The following FHL5 variants were observed in gnomAD, a reference collection of about 807,000 sequenced individuals.
FHL5 encodes the protein four and a half LIM domains 5.
Under a neutral mutation model 32.0 loss-of-function variants are expected in FHL5, and 33 were observed. The observed-to-expected ratio is 1.03, with a 90% CI of 0.78 to 1.38. FHL5 has a LOEUF of 1.38. Among genes scored for constraint, FHL5 ranks in the 40% most tolerant of loss-of-function variants. The pLI is 0.00. For synonymous variants in FHL5, 114 were observed against 113.6 expected, an observed-to-expected ratio of 1.00 and a Z score of -0.02; for missense variants, 336 against 343.9, an observed-to-expected ratio of 0.98 and a Z score of 0.18.
chr6:96,615,987 T>C lies in FHL5; in HGVS notation c.*215T>C, dbSNP rs115226010. The C allele has an allele frequency of 4.2e-3, 1,548 of 369,716 alleles. 25 individuals are homozygous for C. Among genetic ancestry groups the C allele is most frequent in the African/African-American group, 0.031 (1,459 of 47,642 alleles). 22.9% of individuals were successfully genotyped at this position (369,716 alleles called of 1,614,324 possible). On this transcript the variant is annotated 3_prime_UTR_variant, in exon 6 of 6. Coordinates refer to ENST00000450218, the MANE Select transcript of FHL5 (RefSeq NM_001322466.2). ...ATATGCTAAATCACAAAGACAACTC[T>C]CCTTGCAAAATACTGCACTCTGCTG...
At chr6:96,600,634 A>G (rs1771128745) in intron 1 of FHL5, among the ~76,000 whole-genome samples, 1 of 152,128 alleles carries the variant, frequency 6.6e-6, no homozygotes, top group African/African-American at 2.4e-5. Flanking sequence ...AGTGTGTATC[A>G]TTTATATAGT....
chr6:96,572,690 G>T (rs1770504304), intron 1 of FHL5, among the ~76,000 whole-genome samples: 1 of 152,174 alleles, frequency 6.6e-6, no homozygotes, highest in African/African-American at 2.4e-5. Context: ...CACCATGTGG[G>T]CTTGGTGCCT....
chr6:96,592,625 TA>T (rs1350514358), intron 1 of FHL5, among the ~76,000 whole-genome samples: 1 of 151,916 alleles, frequency 6.6e-6, no homozygotes, highest in Non-Finnish European at 1.5e-5. Flanking sequence ...GGGGAAGTGG[TA>T]AGTGTCCAAG....
In FHL5 at chr6:96,604,961, C is replaced by T. The variant is rs757734621; in HGVS notation, c.334+37C>T. On this transcript the variant is annotated intron_variant, in intron 3 of 5. Transcript: ENST00000450218. ...AGGGGGCTCCTGTCTCTAACTGAAG[C>T]TGTGATGCTTTTCATTAAGTCCCAG... The T allele has an allele frequency of 1.1e-5, 16 of 1,502,194 alleles. No homozygotes were observed. The South Asian group carries it at 2.1e-4, about 20-fold the overall frequency. 93.1% of individuals were successfully genotyped at this position (1,502,194 alleles called of 1,614,324 possible).
intron 1 of FHL5, among the ~76,000 whole-genome samples, chr6:96,598,531 C>T (rs1771082026): frequency 6.6e-6 from 1 of 152,190 alleles, no homozygotes; most frequent in Admixed American, 6.5e-5. Flanking sequence ...AGTAATTGTC[C>T]TTCCTCCTTC....
rs111601173 is a variant in FHL5, at chr6:96,571,135, G to A, written c.-13+7780G>A. Among the ~76,000 whole-genome samples, 691 of 151,886 alleles carry A rather than the reference G, an allele frequency of 4.5e-3. 6 individuals are homozygous for A. The highest frequency in any genetic ancestry group is 0.013 in the African/African-American group (541 of 41,292). On this transcript the variant is annotated intron_variant, in intron 1 of 5. Transcript: ENST00000450218. ...ATAATCACCTTTTTCAAACTTTCTG[G>A]AGTGATTTTCATAAAGAAAGTCTTT...
At chr6:96,576,460 C>G (rs529276962) in intron 1 of FHL5, among the ~76,000 whole-genome samples, 1 of 152,188 alleles carries the variant, frequency 6.6e-6, no homozygotes, top group African/African-American at 2.4e-5. Flanking sequence ...AGAAGAGTGA[C>G]GGAGTGAAGA....
Position 96,610,711 on chromosome 6 carries a change from A to G in FHL5, c.644A>G (p.Asn215Ser), listed in dbSNP as rs760938331. 1.9e-6 allele frequency: 3 copies of G among 1,613,960 alleles called. No individual in the cohort carries two copies. Among genetic ancestry groups the G allele is most frequent in the Admixed American group, 1.7e-5 (1 of 60,020 alleles). ...DDYPFCVDCY[N>S]HLYANKCVAC... The stretch of plus-strand genomic sequence containing the variant: ...TATCCATTCTGCGTGGACTGCTACA[A>G]CCATCTTTATGCCAACAAGTGTGTA... The change falls in exon 5 of 6, where the codon AAC becomes AGC. Residue 215 changes from asparagine to serine, a missense_variant. Coordinates refer to ENST00000450218, the MANE Select transcript of FHL5 (RefSeq NM_001322466.2).
chr6:96,567,966 A>G (rs1357839582), intron 1 of FHL5, among the ~76,000 whole-genome samples: 7 of 150,922 alleles, frequency 4.6e-5, no homozygotes, highest in Admixed American at 4.0e-4. Flanking sequence ...TTTTCAATTT[A>G]GATGCTCCTT....
At chr6:96,596,866 C>T (rs1771045767) in intron 1 of FHL5, among the ~76,000 whole-genome samples, 3 of 152,034 alleles carry the variant, frequency 2.0e-5, no homozygotes, top group South Asian at 4.1e-4. Flanking sequence ...TCTTCCTGTA[C>T]TCCCGTCTTC....
At chr6:96,608,758 G>A (rs1771337417) in intron 4 of FHL5, among the ~76,000 whole-genome samples, 1 of 152,150 alleles carries the variant, frequency 6.6e-6, no homozygotes, top group African/African-American at 2.4e-5. Context: ...AGATCAATCA[G>A]TGGTGAAAAC....
rs982485839 is a variant in FHL5 at position 96,605,900 on chromosome 6, AG to A, written c.335del. 10 of 1,613,704 alleles carry A rather than the reference AG, an allele frequency of 6.2e-6. No individual in the cohort carries two copies. In the African/African-American group the frequency reaches 1.1e-4, roughly 17 times the overall value. Reference sequence around the variant, plus strand: ...TAACATGGCCTTACTTTTGGAGTACAGGTTCCCGCAAAATGGAATTTAAGGG... The same window carrying A: ...TAACATGGCCTTACTTTTGGAGTACAGTTCCCGCAAAATGGAATTTAAGGG... On this transcript the variant is annotated splice_acceptor_variant, in intron 3 of 5. Transcript: ENST00000450218. LOFTEE classifies it high-confidence loss of function.
chr6:96,601,428 G>A (rs1049421046), intron 1 of FHL5, among the ~76,000 whole-genome samples: 4 of 152,172 alleles, frequency 2.6e-5, no homozygotes, highest in East Asian at 3.8e-4. Flanking sequence ...GGACTGGGGT[G>A]GGAGAAGGAC....
intron 1 of FHL5, among the ~76,000 whole-genome samples, chr6:96,592,581 A>G (rs538044647): frequency 6.6e-6 from 1 of 152,298 alleles, no homozygotes; most frequent in Admixed American, 6.5e-5. Context: ...GATTAAAGTG[A>G]AAACAGGCAT....
intron 1 of FHL5, among the ~76,000 whole-genome samples, chr6:96,600,744 A>AT (rs1385574687): frequency 1.3e-5 from 2 of 152,158 alleles, no homozygotes; most frequent in Non-Finnish European, 2.9e-5. Flanking sequence ...TTCTTAGTGT[A>AT]TTTTTTCTAA....
At chr6:96,577,941 CAA>C (rs201913399) in intron 1 of FHL5, among the ~76,000 whole-genome samples, 38 of 102,876 alleles carry the variant, frequency 3.7e-4, no homozygotes, top group African/African-American at 6.1e-4. Flanking sequence ...CTTCTTCTTT[CAA>C]AAAAAAAAAA....
intron 1 of FHL5, among the ~76,000 whole-genome samples, chr6:96,591,780 G>A (rs1304386850): frequency 6.6e-6 from 1 of 152,028 alleles, no homozygotes; most frequent in Non-Finnish European, 1.5e-5. Flanking sequence ...TTTTCCCTAA[G>A]TGTCAGCCAG....
intron 1 of FHL5, among the ~76,000 whole-genome samples, chr6:96,591,160 T>C (rs1296456671): frequency 6.6e-6 from 1 of 152,160 alleles, no homozygotes; most frequent in African/African-American, 2.4e-5. Context: ...CTGTTATTTC[T>C]TCTTTAAAGC....
At position 96,617,388 on chromosome 6, in the gene FHL5, T is replaced by C. The variant is rs963654717; in HGVS notation, c.*1616T>C. Among the ~76,000 whole-genome samples the C allele has an allele frequency of 1.3e-5, 2 of 152,240 alleles. No homozygotes were observed. Among genetic ancestry groups the C allele is most frequent in the Admixed American group, 1.3e-4 (2 of 15,284 alleles). On this transcript the variant is annotated 3_prime_UTR_variant, in exon 6 of 6. Coordinates refer to ENST00000450218, the MANE Select transcript of FHL5 (RefSeq NM_001322466.2). ...ACAGGAGATTCAATTAAAATTGTTATGGAAATAATTTTTGAAATAGTTTAA... is the reference window on the plus strand; with the variant it reads ...ACAGGAGATTCAATTAAAATTGTTACGGAAATAATTTTTGAAATAGTTTAA...
Sources: gnomAD v4.1 joint callset for allele counts (sites outside exome capture counted in the v4.1 genomes callset) on GRCh38, gnomAD v4.1.1 for gene constraint, MANE v1.5 for transcripts, NCBI Gene and HGNC (gene_info 2026-07-23, HGNC 2026-07-21) for gene names.